Variants in TAOK3 observed in about 807,000 individuals in gnomAD.
TAOK3 encodes TAO kinase 3.
Under a neutral mutation model 120.4 loss-of-function variants are expected in TAOK3, and 40 were observed. The observed-to-expected ratio is 0.33, with a 90% CI of 0.26 to 0.43. TAOK3 has a LOEUF of 0.43. Among genes scored for constraint, TAOK3 ranks in the 20% least tolerant of loss-of-function variants. The probability of loss-of-function intolerance (pLI) is 1.00; values close to 1 mark genes in which losing one functional copy is unlikely to be tolerated. For synonymous variants in TAOK3, 355 were observed against 387.5 expected, an observed-to-expected ratio of 0.92 and a Z score of 0.99; for missense variants, 821 against 1,112.1, an observed-to-expected ratio of 0.74 and a Z score of 3.72.
intron 17 of TAOK3, among the ~76,000 whole-genome samples, chr12:118,164,697 C>T (rs551200400): frequency 3.3e-5 from 5 of 152,246 alleles, no homozygotes; most frequent in East Asian, 1.9e-4. Context: ...GGACTACAGG[C>T]GTGAGCCACC....
At chr12:118,240,621 G>A (rs1339112810) in intron 5 of TAOK3, among the ~76,000 whole-genome samples, 1 of 152,090 alleles carries the variant, frequency 6.6e-6, no homozygotes, top group South Asian at 2.1e-4. Context: ...TGGGATTACA[G>A]GCATAAGCCA....
At chr12:118,335,727 G>C (rs942622765) in intron 1 of TAOK3, among the ~76,000 whole-genome samples, 29 of 152,152 alleles carry the variant, frequency 1.9e-4, no homozygotes, top group African/African-American at 6.8e-4. Context: ...AGCTACTTGG[G>C]AGGCTGAGGA....
intron 16 of TAOK3, among the ~76,000 whole-genome samples, chr12:118,176,376 C>T (rs780128558): frequency 1.1e-4 from 16 of 151,936 alleles, no homozygotes; most frequent in African/African-American, 2.2e-4. Context: ...TGTCACTGAA[C>T]GAGTAGGCTA....
intron 14 of TAOK3, among the ~76,000 whole-genome samples, chr12:118,183,035 T>C (rs574619430): frequency 6.6e-6 from 1 of 152,202 alleles, no homozygotes; most frequent in South Asian, 2.1e-4. Flanking sequence ...ATTTTTCCTA[T>C]TTTAGAAAAA....
intron 16 of TAOK3, among the ~76,000 whole-genome samples, chr12:118,174,041 AT>A (rs960849261): frequency 6.6e-6 from 1 of 152,182 alleles, no homozygotes; most frequent in African/African-American, 2.4e-5. Context: ...AGCCTGGGTC[AT>A]TCATCTCTTC....
intron 3 of TAOK3, chr12:118,246,509 G>C: frequency 1.3e-6 from 2 of 1,566,652 alleles, no homozygotes; most frequent in South Asian, 2.3e-5. Flanking sequence ...TGGGTGTTAA[G>C]TGCTCCAAGG....
intron 13 of TAOK3, among the ~76,000 whole-genome samples, chr12:118,195,513 G>A (rs1022916009): frequency 2.6e-5 from 4 of 152,144 alleles, no homozygotes; most frequent in Non-Finnish European, 4.4e-5. Flanking sequence ...GTGGAATTGT[G>A]TCCTTGGCCA....
intron 1 of TAOK3, among the ~76,000 whole-genome samples, chr12:118,298,291 T>C (rs980933526): frequency 1.3e-5 from 2 of 152,208 alleles, no homozygotes; most frequent in African/African-American, 4.8e-5. Context: ...CTTGTTAAAA[T>C]GCAGATTCCT....
chr12:118,246,523 T>G, intron 3 of TAOK3: 2 of 1,553,298 alleles, frequency 1.3e-6, no homozygotes, highest in South Asian at 2.3e-5. Flanking sequence ...TCCAAGGAGG[T>G]GGCCACCGCC....
At chr12:118,271,228 T>G (rs1373368378) in intron 1 of TAOK3, among the ~76,000 whole-genome samples, 1 of 152,194 alleles carries the variant, frequency 6.6e-6, no homozygotes, top group African/African-American at 2.4e-5. Flanking sequence ...TATTTAGTAT[T>G]TAGCATTTTA....
rs555527241 is a variant in TAOK3, at chr12:118,164,350, G to A, written c.1900-2323C>T. Among the ~76,000 whole-genome samples the A allele has an allele frequency of 4.0e-5, 6 of 151,686 alleles. No individual in the cohort carries two copies. The East Asian group carries it at 9.9e-4, about 25-fold the overall frequency. On this transcript the variant is annotated intron_variant, in intron 17 of 20. Transcript: ENST00000392533. ...TCAAAAAAAACAGAAAAACAACAAC[G>A]AAACAAACAAACAAACAAAAGAACG...
In TAOK3 at chr12:118,201,334, G is replaced by A. The variant is rs762998454; in HGVS notation, c.949C>T (p.Arg317Trp). ...KMKKILFQET[R>W]NGPLNESQED... ...TGTGACTCATTCAAGGGTCCATTCC[G>A]TGTCTCTTGGAAAAGTATTTTTTTC... The change falls in exon 12 of 21, where the codon CGG (arginine) becomes TGG (tryptophan). Residue 317 changes from arginine (R) to tryptophan (W), a missense_variant. Coordinates refer to ENST00000392533, the MANE Select transcript of TAOK3 (RefSeq NM_016281.4). 5.8e-5 allele frequency: 94 copies of A among 1,613,788 alleles called. No homozygotes were observed. The highest frequency in any genetic ancestry group is 7.1e-5 in the Non-Finnish European group (84 of 1,179,914).
chr12:118,151,252 A>ACACACACATAGG, intron 20 of TAOK3, 94 bp from the exon 21 acceptor site: 1 of 1,272,000 alleles, frequency 7.9e-7, no homozygotes, highest in Non-Finnish European at 1.1e-6. Flanking sequence ...TATGACATGC[A>ACACACACATAGG]CACACACATA....
intron 1 of TAOK3, among the ~76,000 whole-genome samples, chr12:118,294,117 ATATGTG>A (rs2042586766): frequency 6.6e-6 from 1 of 152,182 alleles, no homozygotes. Flanking sequence ...GTATATTTAT[ATATGTG>A]TATGTGTATC....
intron 1 of TAOK3, among the ~76,000 whole-genome samples, chr12:118,352,502 C>T (rs535975889): frequency 6.8e-6 from 1 of 146,768 alleles, no homozygotes; most frequent in Admixed American, 6.7e-5. Flanking sequence ...GAGACTCTGT[C>T]TCAAAAAAAA....
intron 1 of TAOK3, among the ~76,000 whole-genome samples, chr12:118,350,957 T>C (rs2045121347): frequency 6.6e-6 from 1 of 151,622 alleles, no homozygotes; most frequent in East Asian, 1.9e-4. Context: ...GGCAGGCGGA[T>C]CACTTGAGGT....
intron 14 of TAOK3, among the ~76,000 whole-genome samples, chr12:118,188,814 C>T (rs1486236571): frequency 6.6e-6 from 1 of 152,148 alleles, no homozygotes; most frequent in Non-Finnish European, 1.5e-5. Context: ...TGACCTCTAA[C>T]ATTAATTTGG....
intron 1 of TAOK3, among the ~76,000 whole-genome samples, chr12:118,324,352 C>T (rs2043841194): frequency 6.6e-6 from 1 of 152,130 alleles, no homozygotes; most frequent in African/African-American, 2.4e-5. Context: ...AATATAGATA[C>T]ATATCAAGCA....
chr12:118,364,131 C>G (rs958140953), intron 1 of TAOK3, among the ~76,000 whole-genome samples: 3 of 151,756 alleles, frequency 2.0e-5, no homozygotes, highest in African/African-American at 7.3e-5. Context: ...AGCAAAACTC[C>G]ATCTCAAAAA....
Sources: allele counts gnomAD v4.1 joint callset (sites outside exome capture counted in the v4.1 genomes callset), GRCh38; gene constraint gnomAD v4.1.1; transcripts MANE v1.5; gene names NCBI Gene and HGNC (gene_info 2026-07-23, HGNC 2026-07-21).